Variants in BBS1 observed in about 807,000 individuals in gnomAD.
BBS1 encodes the protein BBSome complex member BBS1.
In BBS1, 60 loss-of-function variants were observed where a neutral mutation model predicts 73.9. The observed-to-expected ratio is 0.81, with a 90% CI of 0.66 to 1.01. The LOEUF (loss-of-function observed/expected upper bound fraction) is 1.01, where lower values mean the gene tolerates loss of function less well. Among genes scored for constraint, BBS1 ranks in the 50% least tolerant of loss-of-function variants. The pLI is 0.00. For synonymous variants in BBS1, 283 were observed against 317.4 expected, an observed-to-expected ratio of 0.89 and a Z score of 1.15; for missense variants, 718 against 770.3, an observed-to-expected ratio of 0.93 and a Z score of 0.80.
chr11:66,515,203 T>A (rs532806936), intron 4 of BBS1, among the ~76,000 whole-genome samples: 2 of 151,828 alleles, frequency 1.3e-5, no homozygotes, highest in East Asian at 3.9e-4. Context: ...TCTTGGAGAG[T>A]GGAACCCAGA....
At chr11:66,520,194 G>T in intron 8 of BBS1, 1 of 185,196 alleles carries the variant, frequency 5.4e-6, no homozygotes, top group Non-Finnish European at 1.2e-5. Context: ...ATAAAAGCAG[G>T]AGGATCATGT....
At chr11:66,514,743 CT>C in intron 4 of BBS1, 65 bp downstream of exon 4, 1 of 1,580,156 alleles carries the variant, frequency 6.3e-7, no homozygotes, top group Non-Finnish European at 8.6e-7. Flanking sequence ...GTGAAGAGGG[CT>C]GGGCTCCTGG....
intron 6 of BBS1, 24 bp from the exon 7 acceptor site, chr11:66,515,837 G>C: frequency 1.2e-6 from 2 of 1,614,226 alleles, no homozygotes. Context: ...GGGGCCTGCA[G>C]ATGCCAGTTC....
intron 8 of BBS1, chr11:66,521,064 C>T: frequency 1.6e-6 from 1 of 609,378 alleles, no homozygotes; most frequent in Non-Finnish European, 3.0e-6. Flanking sequence ...CTAGAAGTGG[C>T]ATCGTTTAGT....
chr11:66,526,722 A>C lies in BBS1; in HGVS notation c.1254A>C (p.Pro418=). ...FVEGGSEVGP[P]PAQAMKLNVP... is the part of the protein sequence containing the mutation. ...AGGGAGGAAGTGAGGTGGGTCCCCC[A>C]CCAGCCCAGGCCATGAAACTCAATG... Residue 418 remains proline (P), a synonymous_variant, in exon 13 of 17, where the codon CCA becomes CCC. Transcript: ENST00000318312. The C allele has an allele frequency of 6.2e-7, 1 of 1,614,214 alleles. No individual in the cohort carries two copies. The highest frequency in any genetic ancestry group is 1.3e-5 in the African/African-American group (1 of 75,056).
intron 5 of BBS1, 38 bp downstream of exon 5, chr11:66,515,624 C>A: frequency 6.2e-7 from 1 of 1,614,142 alleles, no homozygotes; most frequent in Non-Finnish European, 8.5e-7. Context: ...CCCCTCACTC[C>A]TTCATCCCAT....
At chr11:66,512,750 G>C (rs1002627096) in intron 3 of BBS1, among the ~76,000 whole-genome samples, 3 of 152,088 alleles carry the variant, frequency 2.0e-5, no homozygotes, top group African/African-American at 4.8e-5. Context: ...AAGGCGGGTG[G>C]ATCACGAGGT....
chr11:66,511,604 T>G (rs987932662), intron 3 of BBS1, among the ~76,000 whole-genome samples: 2 of 152,126 alleles, frequency 1.3e-5, no homozygotes, highest in South Asian at 2.1e-4. Flanking sequence ...GATTTTAAGA[T>G]GGGCCATGAG....
chr11:66,531,511 C>A, intron 15 of BBS1, 145 bp from the exon 16 acceptor site: 1 of 1,064,402 alleles, frequency 9.4e-7, no homozygotes, highest in Non-Finnish European at 1.5e-6. Flanking sequence ...CCCCACCACA[C>A]CTGCATCCTC....
In BBS1 at chr11:66,512,760, T is replaced by C. The variant is rs564899298; in HGVS notation, c.159+1521T>C. ...AGGCCAAGGCGGGTGGATCACGAGG[T>C]CAGGAGTTTGAGACCAGCCTGGACA... On this transcript the variant is annotated intron_variant, in intron 3 of 16. Transcript: ENST00000318312. Among the ~76,000 whole-genome samples the C allele has an allele frequency of 1.8e-3, 277 of 151,968 alleles. 1 individual carries two copies. Among genetic ancestry groups the C allele is most frequent in the Non-Finnish European group, 3.7e-3 (248 of 67,944 alleles).
intron 9 of BBS1, chr11:66,521,578 T>G (rs1856218739): frequency 1.6e-6 from 1 of 612,438 alleles, no homozygotes; most frequent in Non-Finnish European, 2.9e-6. Context: ...AGTGAGAGAC[T>G]AGGCTGGGTG....
chr11:66,529,853 G>C lies in BBS1; in HGVS notation c.1374G>C (p.Leu458=). Residue 458 remains leucine, a synonymous_variant, in exon 14 of 17, where the codon CTG becomes CTC. Coordinates refer to ENST00000318312, the MANE Select transcript of BBS1 (RefSeq NM_024649.5). ...MHRAFQTDLY[L]LRLRAARAYL... ...GGGCCTTCCAGACAGACCTATACCT[G>C]CTGCGCCTACGTGCTGCCCGCGCCT... 1.2e-6 allele frequency: 2 copies of C among 1,610,870 alleles called. No individual in the cohort carries two copies. Among genetic ancestry groups the C allele is most frequent in the African/African-American group, 1.3e-5 (1 of 74,972 alleles).
chr11:66,521,440 C>T, intron 9 of BBS1, 64 bp downstream of exon 9: 1 of 1,300,876 alleles, frequency 7.7e-7, no homozygotes, highest in Non-Finnish European at 1.1e-6. Flanking sequence ...GCTTCAGAGG[C>T]TTGCAAGATG....
chr11:66,527,101 G>A (rs1856546998), intron 13 of BBS1: 2 of 1,347,776 alleles, frequency 1.5e-6, no homozygotes, highest in African/African-American at 1.4e-5. Flanking sequence ...TTTTGACTGG[G>A]CATGGTGGCT....
intron 7 of BBS1, among the ~76,000 whole-genome samples, chr11:66,519,147 G>T (rs1281814819): frequency 1.3e-5 from 2 of 152,192 alleles, no homozygotes; most frequent in African/African-American, 4.8e-5. Flanking sequence ...CACTTTAGGG[G>T]GCTGAGGCGG....
chr11:66,527,040 G>C (rs1565288110), intron 13 of BBS1: 1 of 1,535,264 alleles, frequency 6.5e-7, no homozygotes, highest in East Asian at 2.4e-5. Context: ...TAGAATTCAG[G>C]GAAGGGAGCA....
chr11:66,526,383 C>G (rs757167202), intron 12 of BBS1, among the ~76,000 whole-genome samples, 191 bp downstream of exon 12: 1 of 152,188 alleles, frequency 6.6e-6, no homozygotes, highest in Admixed American at 6.5e-5. Flanking sequence ...GGGCTGGATT[C>G]GATCTTTCTA....
rs1022011025 is a variant in BBS1 at position 66,521,089 on chromosome 11, T to C, written c.724-181T>C. On this transcript the variant is annotated intron_variant, in intron 8 of 16. Transcript: ENST00000318312. ...CATCGTTTAGTCAAAAGGCACAGAC[T>C]AAAAGGCTTTTGCTAAATGTTGCCC... 9.1e-6 allele frequency: 6 copies of C among 660,772 alleles called. No homozygotes were observed. The African/African-American group carries it at 1.1e-4, about 12-fold the overall frequency. 40.9% of individuals were successfully genotyped at this position (660,772 alleles called of 1,614,324 possible).
At chr11:66,517,229 AG>A (rs1735270260) in intron 7 of BBS1, among the ~76,000 whole-genome samples, 1 of 151,780 alleles carries the variant, frequency 6.6e-6, no homozygotes, top group Admixed American at 6.6e-5. Context: ...AAAAAAAAAA[AG>A]AAAAACATTT....
Sources: gnomAD v4.1 joint callset for allele counts (sites outside exome capture counted in the v4.1 genomes callset) on GRCh38, gnomAD v4.1.1 for gene constraint, MANE v1.5 for transcripts, NCBI Gene and HGNC (gene_info 2026-07-23, HGNC 2026-07-21) for gene names.